The following KIAA1328 variants were observed in gnomAD, a reference collection of about 807,000 sequenced individuals.
KIAA1328 encodes protein hinderin.
A neutral mutation model predicts 68.1 loss-of-function variants in KIAA1328; 52 were observed. The observed-to-expected ratio is 0.76, with a 90% CI of 0.61 to 0.96. KIAA1328 has a LOEUF of 0.96. KIAA1328 is among the 40% of genes least tolerant of loss of function. The pLI, the probability that KIAA1328 is intolerant of heterozygous loss-of-function variation, is 0.00. For synonymous variants in KIAA1328, 232 were observed against 239.4 expected (o/e 0.97, Z 0.28); for missense variants, 641 against 677.6 (o/e 0.95, Z 0.60).
At chr18:37,015,470 T>C (rs145823136) in intron 6 of KIAA1328, among the ~76,000 whole-genome samples, 1 of 152,350 alleles carries the variant, frequency 6.6e-6, no homozygotes, top group African/African-American at 2.4e-5. Flanking sequence ...AGGATTGCTT[T>C]GGCTATTCAA....
At chr18:36,829,460 C>T in intron 1 of KIAA1328, 2 of 1,288,642 alleles carry the variant, frequency 1.6e-6, no homozygotes, top group Non-Finnish European at 2.0e-6. Flanking sequence ...GAAAGATAGC[C>T]TTGAGTCCAG....
At chr18:37,117,218 C>A (rs1184860803) in intron 7 of KIAA1328, among the ~76,000 whole-genome samples, 1 of 152,114 alleles carries the variant, frequency 6.6e-6, no homozygotes, top group African/African-American at 2.4e-5. Flanking sequence ...GCACTATTCA[C>A]AATAGCAAAG....
intron 6 of KIAA1328, among the ~76,000 whole-genome samples, chr18:37,008,088 G>GT (rs914631000): frequency 6.6e-6 from 1 of 152,208 alleles, no homozygotes; most frequent in Non-Finnish European, 1.5e-5. Context: ...CAGTTTCCAA[G>GT]TTTTTTCTCC....
chr18:37,080,228 G>T (rs1231591663), intron 7 of KIAA1328, among the ~76,000 whole-genome samples: 1 of 152,150 alleles, frequency 6.6e-6, no homozygotes, highest in Admixed American at 6.5e-5. Context: ...CCAATTGTCA[G>T]TTTAAGCTGA....
intron 7 of KIAA1328, among the ~76,000 whole-genome samples, chr18:37,152,844 C>T (rs1228479411): frequency 6.6e-6 from 1 of 152,112 alleles, no homozygotes; most frequent in Non-Finnish European, 1.5e-5. Context: ...CATTTGTTTT[C>T]CAACAAAGAG....
At chr18:37,103,564 T>C (rs2057686108) in intron 7 of KIAA1328, among the ~76,000 whole-genome samples, 1 of 152,136 alleles carries the variant, frequency 6.6e-6, no homozygotes, top group Non-Finnish European at 1.5e-5. Context: ...AAAGAAAACA[T>C]ACAGAAAACA....
chr18:36,914,669 G>A (rs540115901), intron 5 of KIAA1328, among the ~76,000 whole-genome samples: 12 of 152,170 alleles, frequency 7.9e-5, no homozygotes, highest in Middle Eastern at 3.4e-3. Context: ...GCAGTGAGCC[G>A]AGATCATGCC....
chr18:36,870,028 G>C (rs574817433), intron 4 of KIAA1328, among the ~76,000 whole-genome samples: 1 of 150,052 alleles, frequency 6.7e-6, no homozygotes, highest in South Asian at 2.1e-4. Context: ...ACGTCCAGCT[G>C]ATTTTTGTAT....
At chr18:37,090,739 G>T (rs890360965) in intron 7 of KIAA1328, among the ~76,000 whole-genome samples, 1 of 152,154 alleles carries the variant, frequency 6.6e-6, no homozygotes, top group African/African-American at 2.4e-5. Context: ...GGAAGCAAGT[G>T]TATAGTCTTA....
At chr18:37,202,044 C>T (rs1458928642) in intron 9 of KIAA1328, among the ~76,000 whole-genome samples, 1 of 152,160 alleles carries the variant, frequency 6.6e-6, no homozygotes, top group African/African-American at 2.4e-5. Context: ...TCTTACTGAA[C>T]TTATGTGAAC....
chr18:37,141,379 C>T (rs925262909), intron 7 of KIAA1328, among the ~76,000 whole-genome samples: 4 of 152,122 alleles, frequency 2.6e-5, no homozygotes, highest in African/African-American at 9.7e-5. Context: ...TTTTACTCAC[C>T]ATAATGTTTT....
chr18:37,203,298 T>C (rs1247000094), intron 9 of KIAA1328, among the ~76,000 whole-genome samples: 1 of 152,070 alleles, frequency 6.6e-6, no homozygotes, highest in African/African-American at 2.4e-5. Flanking sequence ...TTCATAAACA[T>C]TTTATAAACT....
chr18:36,988,903 T>C (rs1396302850), intron 6 of KIAA1328, among the ~76,000 whole-genome samples: 1 of 152,194 alleles, frequency 6.6e-6, no homozygotes, highest in East Asian at 1.9e-4. Context: ...GAAAATGTGA[T>C]GAATATACCT....
intron 9 of KIAA1328, among the ~76,000 whole-genome samples, chr18:37,213,876 G>A (rs1265926581): frequency 6.6e-6 from 1 of 152,156 alleles, no homozygotes; most frequent in African/African-American, 2.4e-5. Context: ...TTGTGATTTT[G>A]ATTTGCATTT....
intron 6 of KIAA1328, among the ~76,000 whole-genome samples, chr18:37,049,829 G>C (rs1483253052): frequency 6.6e-6 from 1 of 152,006 alleles, no homozygotes; most frequent in Non-Finnish European, 1.5e-5. Context: ...ATACTTTTTG[G>C]TATTTCTTAA....
At chr18:37,077,146 G>T (rs2056768301) in intron 7 of KIAA1328, among the ~76,000 whole-genome samples, 1 of 149,504 alleles carries the variant, frequency 6.7e-6, no homozygotes, top group Admixed American at 6.6e-5. Flanking sequence ...ATGATCAAGT[G>T]GGCTTCATCC....
intron 7 of KIAA1328, among the ~76,000 whole-genome samples, chr18:37,107,265 A>G (rs1333853126): frequency 6.6e-6 from 1 of 152,146 alleles, no homozygotes; most frequent in Non-Finnish European, 1.5e-5. Context: ...AACAAAACTG[A>G]ATTATCTAAG....
chr18:37,174,784 G>A lies in KIAA1328; in HGVS notation c.1523+1703G>A, dbSNP rs373614886. On this transcript the variant is annotated intron_variant, in intron 9 of 9. Transcript: ENST00000280020. ...AATTTTTTGTATTTTTAGTAGAGAC[G>A]GGGTTTCACTGTGTTAGCCAGGATG... Among the ~76,000 whole-genome samples, 20 of 151,790 alleles carry A rather than the reference G, an allele frequency of 1.3e-4. No individual in the cohort carries two copies. In the East Asian group the frequency reaches 3.5e-3, roughly 27 times the overall value.
chr18:36,839,338 G>T (rs2046783868), intron 3 of KIAA1328, among the ~76,000 whole-genome samples: 1 of 152,050 alleles, frequency 6.6e-6, no homozygotes, highest in Non-Finnish European at 1.5e-5. Context: ...TGTCTAATCT[G>T]CCACTAATCT....
Sources: gnomAD v4.1 joint callset for allele counts (sites outside exome capture counted in the v4.1 genomes callset) on GRCh38, gnomAD v4.1.1 for gene constraint, MANE v1.5 for transcripts, NCBI Gene and HGNC (gene_info 2026-07-23, HGNC 2026-07-21) for gene names.